Variants in ACSL3 observed in about 807,000 individuals in gnomAD.
ACSL3 encodes acyl-CoA synthetase long chain family member 3.
Under a neutral mutation model 84.7 loss-of-function variants are expected in ACSL3, and 34 were observed. That is an observed-to-expected ratio of 0.40 (90% confidence interval 0.31 to 0.53). ACSL3 has a LOEUF of 0.53. ACSL3 is among the 20% of genes least tolerant of loss of function. The pLI, the probability that ACSL3 is intolerant of heterozygous loss-of-function variation, is 0.48. For missense variants in ACSL3, 680 were observed against 873.1 expected (o/e 0.78, Z 2.79); for synonymous variants, 315 against 299.4 (o/e 1.05, Z -0.54).
chr2:222,876,064 G>T (rs2106088897), intron 1 of ACSL3, among the ~76,000 whole-genome samples: 1 of 152,294 alleles, frequency 6.6e-6, no homozygotes, highest in South Asian at 2.1e-4. Context: ...AAGTGTTTTG[G>T]GTTCTTAGAG....
intron 1 of ACSL3, among the ~76,000 whole-genome samples, chr2:222,870,332 T>C (rs1695267232): frequency 6.6e-6 from 1 of 152,230 alleles, no homozygotes; most frequent in Non-Finnish European, 1.5e-5. Context: ...ATGGGGTGTT[T>C]GCATGAGTCT....
rs569617901 is a variant in ACSL3 at position 222,923,225 on chromosome 2, A to G, written c.1152+76A>G. On this transcript the variant is annotated intron_variant, in intron 10 of 16. Transcript: ENST00000357430. ...TACAAAGCATTAGTGCTAGTGAAAA[A>G]TATATTGTTGACAAGGTAGTTTATG... 1.9e-5 allele frequency: 23 copies of G among 1,222,420 alleles called. No individual in the cohort carries two copies. In the East Asian group the frequency reaches 4.5e-4, roughly 24 times the overall value. The allele number at this position is 1,222,420 out of a possible 1,614,324, so 75.7% of individuals were successfully genotyped here.
In ACSL3 at chr2:222,891,983, A is replaced by G. The variant is rs1326871061; in HGVS notation, c.-148+4095A>G. On this transcript the variant is annotated intron_variant, in intron 2 of 16. Transcript: ENST00000357430. ...AATGTTTTTAATTGATTTCCTGTCC[A>G]GAATCTTTTCGACAATTTTATTTTT... Among the ~76,000 whole-genome samples the G allele has an allele frequency of 2.6e-5, 4 of 152,228 alleles. No individual in the cohort carries two copies. The South Asian group carries it at 6.2e-4, about 24-fold the overall frequency.
At chr2:222,902,794 C>T in intron 3 of ACSL3, among the ~76,000 whole-genome samples, 1 of 152,220 alleles carries the variant, frequency 6.6e-6, no homozygotes, top group East Asian at 1.9e-4. Flanking sequence ...GCATGAGGCA[C>T]AAATTCCTGG....
chr2:222,861,167 TC>T lies in ACSL3; in HGVS notation c.-294del. ...TGCGGCCCCGACAGCTGCGCCAGGA[TC>T]CCCGGGCGGCGGCGCGGGGCGTGAA... On this transcript the variant is annotated 5_prime_UTR_variant, in exon 1 of 17. Transcript: ENST00000357430. 1 of 152,196 alleles carries T rather than the reference TC, an allele frequency of 6.6e-6. No homozygotes were observed. Among genetic ancestry groups the T allele is most frequent in the Non-Finnish European group, 1.5e-5 (1 of 68,058 alleles). The allele number at this position is 152,196 out of a possible 1,614,324, so 9.4% of individuals were successfully genotyped here. A position where few individuals can be genotyped will look rare whatever the true frequency, so the allele number is the denominator to read the frequency against.
rs745478493 is a variant in ACSL3 at position 222,921,325 on chromosome 2, T to C, written c.851T>C (p.Ile284Thr). The change falls in exon 8 of 17, where the codon ATC (isoleucine) becomes ACC (threonine). Residue 284 changes from isoleucine to threonine, a missense_variant. Ile to Thr is a moderately conservative substitution (Grantham distance 89). Transcript: ENST00000357430. Reference sequence around the variant, plus strand: ...CCATTGCCCTCAGATATTGCAGTAATCATGTACACAAGTGGATCCACAGGA... The same window carrying C: ...CCATTGCCCTCAGATATTGCAGTAACCATGTACACAAGTGGATCCACAGGA... ...SKPLPSDIAV[I>T]MYTSGSTGLP... 1.7e-5 allele frequency: 28 copies of C among 1,602,006 alleles called. No individual in the cohort carries two copies. The Admixed American group carries it at 2.5e-4, about 14-fold the overall frequency.
At chr2:222,921,589 G>C (rs928017367) in intron 8 of ACSL3, among the ~76,000 whole-genome samples, 159 bp downstream of exon 8, 1 of 152,032 alleles carries the variant, frequency 6.6e-6, no homozygotes, top group African/African-American at 2.4e-5. Context: ...AAAATTAATG[G>C]CAAAATAGTT....
chr2:222,864,806 A>G (rs1194913707), intron 1 of ACSL3, among the ~76,000 whole-genome samples: 3 of 152,176 alleles, frequency 2.0e-5, no homozygotes, highest in Non-Finnish European at 4.4e-5. Context: ...CCAAAGTACA[A>G]CTGAGGCCTG....
In ACSL3 at chr2:222,944,152, C is replaced by T. The variant is rs1374098621; in HGVS notation, c.*2498C>T. 3 of 152,170 alleles carry T rather than the reference C, an allele frequency of 2.0e-5. No individual in the cohort carries two copies. The highest frequency in any genetic ancestry group is 1.3e-4 in the Admixed American group (2 of 15,282). The allele number at this position is 152,170 out of a possible 1,614,324, so 9.4% of individuals were successfully genotyped here. On this transcript the variant is annotated 3_prime_UTR_variant, in exon 17 of 17. Coordinates refer to ENST00000357430, the MANE Select transcript of ACSL3 (RefSeq NM_004457.5). Reference sequence around the variant, plus strand: ...CAAACCTGAAAGTAGTATCTACTTTCTAAATACTACTTTGCTTTTCAGTAG... The same window carrying T: ...CAAACCTGAAAGTAGTATCTACTTTTTAAATACTACTTTGCTTTTCAGTAG...
At chr2:222,920,143 C>T (rs568150772) in intron 7 of ACSL3, among the ~76,000 whole-genome samples, 1 of 152,134 alleles carries the variant, frequency 6.6e-6, no homozygotes, top group Admixed American at 6.5e-5. Context: ...TTGTAATTTC[C>T]AAGAAGTGGT....
Position 222,921,332 on chromosome 2 carries a change from C to T in ACSL3, c.858C>T (p.Tyr286=), listed in dbSNP as rs755812193. ...CCTCAGATATTGCAGTAATCATGTA[C>T]ACAAGTGGATCCACAGGACTTCCAA... ...PLPSDIAVIM[Y]TSGSTGLPKG... is the part of the protein sequence containing the mutation. The change falls in exon 8 of 17, where the codon TAC becomes TAT. Residue 286 remains tyrosine, a synonymous_variant. Transcript: ENST00000357430. 2.5e-6 allele frequency: 4 copies of T among 1,603,922 alleles called. No homozygotes were observed. In the South Asian group the frequency reaches 4.4e-5, roughly 18 times the overall value.
intron 16 of ACSL3, among the ~76,000 whole-genome samples, chr2:222,937,493 C>T (rs778914186): frequency 1.3e-5 from 2 of 151,988 alleles, no homozygotes; most frequent in South Asian, 2.1e-4. Context: ...ACTCAAGTTA[C>T]GCGTATATTT....
At chr2:222,936,944 A>G (rs1697187395) in intron 16 of ACSL3, among the ~76,000 whole-genome samples, 1 of 152,114 alleles carries the variant, frequency 6.6e-6, no homozygotes, top group South Asian at 2.1e-4. Context: ...CGAGAACAAC[A>G]TGGAGAAACC....
intron 4 of ACSL3, among the ~76,000 whole-genome samples, chr2:222,913,272 A>G (rs1282996004): frequency 6.6e-6 from 1 of 152,158 alleles, no homozygotes; most frequent in African/African-American, 2.4e-5. Flanking sequence ...CTCTTTCTTA[A>G]TGCCGTCTTT....
chr2:222,875,192 C>T (rs1396531504), intron 1 of ACSL3, among the ~76,000 whole-genome samples: 2 of 152,152 alleles, frequency 1.3e-5, no homozygotes, highest in African/African-American at 4.8e-5. Flanking sequence ...TTAAAAATGT[C>T]TCCTTCCAGC....
At chr2:222,896,457 G>A (rs1574534709) in intron 2 of ACSL3, among the ~76,000 whole-genome samples, 1 of 22,716 alleles carries the variant, frequency 4.4e-5, no homozygotes, top group African/African-American at 1.4e-4. Flanking sequence ...CGGACGGGGC[G>A]GCTGGCCGGG....
rs1287786244 is a variant in ACSL3 at position 222,892,249 on chromosome 2, C to T, written c.-148+4361C>T. 3.9e-5 allele frequency among the ~76,000 whole-genome samples: 6 copies of T among 152,294 alleles called. No homozygotes were observed. The South Asian group carries it at 1.2e-3, about 32-fold the overall frequency. On this transcript the variant is annotated intron_variant, in intron 2 of 16. Transcript: ENST00000357430. ...TGATATTTGTAAGAATTTAAAACAA[C>T]TGTCCTACTTTTAGGTCTGCTTTTT...
chr2:222,930,712 A>G lies in ACSL3; in HGVS notation c.1632A>G (p.Ala544=). ...SVTMGYYKNE[A]KTKADFFEDE... Reference sequence around the variant, plus strand: ...CAATGGGGTACTACAAAAATGAAGCAAAAACAAAAGCTGATTTCTTTGAAG... The same window carrying G: ...CAATGGGGTACTACAAAAATGAAGCGAAAACAAAAGCTGATTTCTTTGAAG... The change falls in exon 14 of 17, where the codon GCA becomes GCG. Residue 544 remains alanine, a synonymous_variant. Transcript: ENST00000357430. 1 of 1,614,194 alleles carries G rather than the reference A, an allele frequency of 6.2e-7. No individual in the cohort carries two copies. The highest frequency in any genetic ancestry group is 1.1e-5 in the South Asian group (1 of 91,088).
intron 15 of ACSL3, 179 bp downstream of exon 15, chr2:222,933,459 CT>C: frequency 4.0e-6 from 2 of 506,026 alleles, no homozygotes; most frequent in Non-Finnish European, 7.0e-6. Context: ...AAGGCTTCCC[CT>C]GATCTTTCTC....
Sources: gnomAD v4.1 joint callset for allele counts (sites outside exome capture counted in the v4.1 genomes callset) on GRCh38, gnomAD v4.1.1 for gene constraint, MANE v1.5 for transcripts, NCBI Gene and HGNC (gene_info 2026-07-23, HGNC 2026-07-21) for gene names.